MYO16: variants seen among roughly 807,000 people sequenced by gnomAD.
MYO16 encodes unconventional myosin-XVI.
Under a neutral mutation model 205.3 loss-of-function variants are expected in MYO16, and 94 were observed. The ratio of observed to expected loss-of-function variants is 0.46; its 90% CI spans 0.39 to 0.54. The LOEUF is 0.54. Among genes scored for constraint, MYO16 ranks in the 20% least tolerant of loss-of-function variants. The pLI is 0.00. For missense variants in MYO16, 2,315 were observed against 2,387.5 expected (o/e 0.97, Z 0.63); for synonymous variants, 988 against 954.0 (o/e 1.04, Z -0.66).
intron 34 of MYO16, among the ~76,000 whole-genome samples, chr13:109,185,334 G>A (rs193093956): frequency 2.2e-4 from 33 of 152,082 alleles, no homozygotes; most frequent in Admixed American, 1.8e-3. Flanking sequence ...TAATTTTGGG[G>A]GTCAATTAGA....
chr13:108,970,189 CT>C (rs1250616659), intron 20 of MYO16, among the ~76,000 whole-genome samples: 1 of 152,188 alleles, frequency 6.6e-6, no homozygotes, highest in Non-Finnish European at 1.5e-5. Context: ...TTGTTCACAA[CT>C]TTTCAAACTG....
chr13:108,884,509 A>C (rs1017141744), intron 13 of MYO16, among the ~76,000 whole-genome samples: 1 of 151,964 alleles, frequency 6.6e-6, no homozygotes, highest in Admixed American at 6.5e-5. Context: ...CCCATTGTAG[A>C]CTCAAGGATG....
chr13:108,866,639 G>T (rs564548038), intron 12 of MYO16, among the ~76,000 whole-genome samples: 1 of 152,180 alleles, frequency 6.6e-6, no homozygotes, highest in African/African-American at 2.4e-5. Context: ...GGGTAATATT[G>T]CATGTTTACG....
intron 7 of MYO16, among the ~76,000 whole-genome samples, chr13:108,819,340 C>T (rs1358373925): frequency 6.6e-6 from 1 of 152,066 alleles, no homozygotes; most frequent in Admixed American, 6.6e-5. Context: ...CGCGGTAAGC[C>T]ATGAAAACAA....
chr13:109,126,235 C>T (rs1477585506), intron 30 of MYO16, among the ~76,000 whole-genome samples: 1 of 152,060 alleles, frequency 6.6e-6, no homozygotes, highest in Non-Finnish European at 1.5e-5. Flanking sequence ...AAAAAAATCC[C>T]CTTTGTACAG....
At chr13:108,828,771 A>G (rs1876430080) in intron 9 of MYO16, among the ~76,000 whole-genome samples, 1 of 152,170 alleles carries the variant, frequency 6.6e-6, no homozygotes, top group South Asian at 2.1e-4. Flanking sequence ...CTATGTGACG[A>G]GACACCAATA....
At chr13:108,569,146 T>C in the MYO16 span, among the ~76,000 whole-genome samples, 3 of 152,140 alleles carry the variant, frequency 2.0e-5, no homozygotes, top group African/African-American at 7.2e-5. Flanking sequence ...CTAGTTTTGA[T>C]TCCTTGCATT....
intron 33 of MYO16, among the ~76,000 whole-genome samples, chr13:109,171,935 G>T (rs921109387): frequency 6.6e-5 from 10 of 152,138 alleles, no homozygotes; most frequent in African/African-American, 2.4e-4. Flanking sequence ...CACAATAAGG[G>T]TTATTTGTGT....
intron 10 of MYO16, among the ~76,000 whole-genome samples, chr13:108,854,724 T>C (rs1361699030): frequency 6.6e-6 from 1 of 152,182 alleles, no homozygotes; most frequent in Non-Finnish European, 1.5e-5. Flanking sequence ...ATGTTCTGGG[T>C]ATATAAAATT....
chr13:109,023,696 T>TATATATGCAA (rs1555325347), intron 23 of MYO16, among the ~76,000 whole-genome samples: 3 of 117,962 alleles, frequency 2.5e-5, no homozygotes, highest in African/African-American at 5.9e-5. Flanking sequence ...CATATATATG[T>TATATATGCAA]ATATATGTAT....
chr13:109,187,248 G>A (rs1879725166), intron 34 of MYO16, among the ~76,000 whole-genome samples: 1 of 152,146 alleles, frequency 6.6e-6, no homozygotes, highest in African/African-American at 2.4e-5. Flanking sequence ...CCAGTTTCAT[G>A]CATGGCAAAC....
the MYO16 span, among the ~76,000 whole-genome samples, chr13:108,525,120 C>T: frequency 6.6e-5 from 10 of 152,232 alleles, no homozygotes; most frequent in South Asian, 4.1e-4. Flanking sequence ...TGGTTCCCAG[C>T]GAGAACGACC....
chr13:109,167,095 C>G (rs1054790173), intron 33 of MYO16: 6 of 152,430 alleles, frequency 3.9e-5, no homozygotes, highest in Non-Finnish European at 8.8e-5. Flanking sequence ...GCAGCTCTCC[C>G]CACATCCCTG....
intron 16 of MYO16, among the ~76,000 whole-genome samples, chr13:108,940,406 T>C (rs1594412013): frequency 6.6e-6 from 1 of 151,672 alleles, no homozygotes; most frequent in Non-Finnish European, 1.5e-5. Context: ...CCTGTTCTAA[T>C]AACAATTGAC....
intron 23 of MYO16, among the ~76,000 whole-genome samples, chr13:109,043,914 C>T (rs888163993): frequency 2.0e-5 from 3 of 152,050 alleles, no homozygotes; most frequent in Non-Finnish European, 4.4e-5. Flanking sequence ...CCAATCTGGG[C>T]TGGGGCTGGA....
At chr13:108,733,704 T>A (rs1034896451) in intron 4 of MYO16, among the ~76,000 whole-genome samples, 2 of 152,328 alleles carry the variant, frequency 1.3e-5, no homozygotes, top group East Asian at 3.9e-4. Context: ...GGATCACACA[T>A]GTAATCCCAG....
At chr13:108,935,877 A>G (rs1010254114) in intron 16 of MYO16, among the ~76,000 whole-genome samples, 2 of 151,288 alleles carry the variant, frequency 1.3e-5, no homozygotes, top group Non-Finnish European at 3.0e-5. Flanking sequence ...TTTCACATCT[A>G]TTGAGATGAT....
intron 16 of MYO16, among the ~76,000 whole-genome samples, chr13:108,921,387 A>C (rs1881739086): frequency 6.6e-6 from 1 of 152,146 alleles, no homozygotes; most frequent in African/African-American, 2.4e-5. Context: ...TGACACAGTG[A>C]CCATTGGTGA....
chr13:108,699,566 G>C (rs972104978), intron 2 of MYO16, among the ~76,000 whole-genome samples: 1 of 152,118 alleles, frequency 6.6e-6, no homozygotes, highest in African/African-American at 2.4e-5. Flanking sequence ...TACATCAAGA[G>C]CTAAGGAAAT....
Sources: allele counts gnomAD v4.1 joint callset (sites outside exome capture counted in the v4.1 genomes callset), GRCh38; gene constraint gnomAD v4.1.1; transcripts MANE v1.5; gene names NCBI Gene and HGNC (gene_info 2026-07-23, HGNC 2026-07-21).